PFKP: variants seen among roughly 807,000 people sequenced by gnomAD.
PFKP encodes ATP-dependent 6-phosphofructokinase, platelet type.
Under a neutral mutation model 94.3 loss-of-function variants are expected in PFKP, and 101 were observed. The observed-to-expected ratio is 1.07, with a 90% confidence interval of 0.91 to 1.26. The LOEUF is 1.26. Ranked by LOEUF, PFKP falls within the 50% of genes most tolerant of loss-of-function variation. The pLI is 0.00. For missense variants in PFKP, 1,145 were observed against 1,103.3 expected (o/e 1.04, Z -0.53); for synonymous variants, 573 against 432.6 (o/e 1.32, Z -4.03).
In PFKP at chr10:3,099,365, C is replaced by CTGCG. The variant is rs753766435; in HGVS notation, c.264+15_264+18dup. Reference sequence around the variant, plus strand: ...CATCCTGCAAGTGGTAGGTACTGGGCTGCGTCCACAGGGTTCTCTGAGTTA... The same window carrying CTGCG: ...CATCCTGCAAGTGGTAGGTACTGGGCTGCGTGCGTCCACAGGGTTCTCTGAGTTA... On this transcript the variant is annotated intron_variant, in intron 3 of 21. Coordinates refer to ENST00000381125, the MANE Select transcript of PFKP (RefSeq NM_002627.5). 12 of 1,606,142 alleles carry CTGCG rather than the reference C, an allele frequency of 7.5e-6. No individual in the cohort carries two copies. In the African/African-American group the frequency reaches 1.5e-4, roughly 20 times the overall value.
At position 3,108,807 on chromosome 10, in the gene PFKP, G is replaced by A. The variant is rs953006435; in HGVS notation, c.963+14G>A. 4.5e-6 allele frequency: 7 copies of A among 1,569,468 alleles called. No individual in the cohort carries two copies. Among genetic ancestry groups the A allele is most frequent in the Admixed American group, 3.3e-5 (2 of 59,932 alleles). Reference sequence around the variant, plus strand: ...GACAGGATCTTGGTGAGTTGGGAAGGGTTGGGCATCTTCACAAGGTCTCTA... The same window carrying A: ...GACAGGATCTTGGTGAGTTGGGAAGAGTTGGGCATCTTCACAAGGTCTCTA... On this transcript the variant is annotated intron_variant, in intron 9 of 21. Transcript: ENST00000381125.
At chr10:3,108,660 C>T (rs371753903) in intron 8 of PFKP, 41 bp from the exon 9 acceptor site, 9 of 1,473,318 alleles carry the variant, frequency 6.1e-6, no homozygotes, top group South Asian at 2.3e-5. Flanking sequence ...CTGCTGTGTC[C>T]GCATCACAGT....
chr10:3,132,567 A>T, intron 18 of PFKP, 126 bp downstream of exon 18: 2 of 674,520 alleles, frequency 3.0e-6, no homozygotes, highest in Admixed American at 4.8e-5. Context: ...ACACACACTG[A>T]GCAGGTGCAG....
intron 1 of PFKP, among the ~76,000 whole-genome samples, chr10:3,080,838 G>T (rs2131413793): frequency 6.6e-6 from 1 of 152,334 alleles, no homozygotes; most frequent in South Asian, 2.1e-4. Context: ...GTTGGGAGCA[G>T]GTGTTGGTTG....
At chr10:3,121,763 C>A (rs975847049) in intron 16 of PFKP, among the ~76,000 whole-genome samples, 1 of 136,490 alleles carries the variant, frequency 7.3e-6, no homozygotes, top group African/African-American at 2.7e-5. Flanking sequence ...TTCATTCATT[C>A]GAGTTTCTCG....
chr10:3,134,707 GTGATGTTT>G, intron 20 of PFKP, 125 bp downstream of exon 20: 1 of 631,308 alleles, frequency 1.6e-6, no homozygotes, highest in Non-Finnish European at 2.8e-6. Flanking sequence ...TGAGCTGCAC[GTGATGTTT>G]TACTCCTGAT....
chr10:3,107,402 T>C, intron 8 of PFKP, 93 bp downstream of exon 8: 2 of 733,402 alleles, frequency 2.7e-6, no homozygotes, highest in Middle Eastern at 2.6e-4. Context: ...AACATTGAAT[T>C]ATTAACTTTT....
intron 4 of PFKP, among the ~76,000 whole-genome samples, chr10:3,102,655 C>T (rs980241894): frequency 5.9e-5 from 9 of 152,204 alleles, no homozygotes; most frequent in African/African-American, 2.2e-4. Context: ...TGGTCTCGAA[C>T]TCCTGACCTC....
intron 2 of PFKP, among the ~76,000 whole-genome samples, chr10:3,086,375 G>A (rs563122649): frequency 2.0e-5 from 3 of 152,334 alleles, no homozygotes; most frequent in Middle Eastern, 3.4e-3. Context: ...CACTTTCTCC[G>A]CGTCACCACT....
intron 1 of PFKP, among the ~76,000 whole-genome samples, chr10:3,080,742 A>C (rs552894112): frequency 6.6e-6 from 1 of 152,256 alleles, no homozygotes; most frequent in Non-Finnish European, 1.5e-5. Context: ...TATTTGCATA[A>C]AAGCAAATGA....
intron 2 of PFKP, among the ~76,000 whole-genome samples, chr10:3,087,984 C>CTTTTTTTTTTTTTTTTTTTT (rs1224829610): frequency 2.1e-4 from 20 of 96,602 alleles, no homozygotes; most frequent in Non-Finnish European, 2.6e-4. Context: ...ATCTTTCATT[C>CTTTTTTTTTTTTTTTTTTTT]TTTTTTTTTT....
rs140876102 is a variant in PFKP, at chr10:3,135,243, G to A, written c.2123-493G>A. 2.1e-3 allele frequency among the ~76,000 whole-genome samples: 323 copies of A among 150,858 alleles called. 1 individual carries two copies. The highest frequency in any genetic ancestry group is 7.0e-3 in the African/African-American group (289 of 41,008). ...CATAGCAGATGTGTGCTTTTATTCC[G>A]GCAAACCACTATCACTGCCAGTGTC... On this transcript the variant is annotated intron_variant, in intron 20 of 21. Transcript: ENST00000381125.
chr10:3,086,683 G>A (rs1833631944), intron 2 of PFKP, among the ~76,000 whole-genome samples: 1 of 152,042 alleles, frequency 6.6e-6, no homozygotes, highest in African/African-American at 2.4e-5. Flanking sequence ...TTTGAATGTT[G>A]TTAGCTGGGG....
In PFKP at chr10:3,075,266, T is replaced by G. The variant is rs556858553; in HGVS notation, c.113-7122T>G. On this transcript the variant is annotated intron_variant, in intron 1 of 21. Transcript: ENST00000381125. ...AACGTGTCACAGTGCTGCAGAGATT[T>G]TGTTTATGGCCAGTTTTAGGGTCAG... is the stretch of plus-strand genomic sequence containing the variant. Among the ~76,000 whole-genome samples, 3 of 152,048 alleles carry G rather than the reference T, an allele frequency of 2.0e-5. No individual in the cohort carries two copies. The East Asian group carries it at 5.9e-4, about 30-fold the overall frequency.
In PFKP at chr10:3,134,508, G is replaced by A. The variant is rs1005105870; in HGVS notation, c.2048G>A (p.Arg683Lys). 2 of 1,613,618 alleles carry A rather than the reference G, an allele frequency of 1.2e-6. No homozygotes were observed. Among genetic ancestry groups the A allele is most frequent in the African/African-American group, 1.3e-5 (1 of 74,944 alleles). ...GGTGGGGCACCCTCTCCATTTGATA[G>A]AAACTTTGGAACCAAAATCTCTGCC... Reference protein sequence around the residue: ...QQGGAPSPFDRNFGTKISARA... With the variant: ...QQGGAPSPFDKNFGTKISARA... Residue 683 changes from arginine (R) to lysine (K), a missense_variant, in exon 20 of 22, where the codon AGA (arginine) becomes AAA (lysine). Physicochemically the swap from Arg to Lys is conservative, Grantham distance 26 (BLOSUM62 2). Transcript: ENST00000381125.
rs138450858 is a variant in PFKP at position 3,101,097 on chromosome 10, A to G, written c.265-268A>G. On this transcript the variant is annotated intron_variant, in intron 3 of 21. Transcript: ENST00000381125. The stretch of plus-strand genomic sequence containing the variant: ...GACACCGCAGGCTGGTTCCTGCTCC[A>G]TGTATTTAACTGCTGGCTGCCGTGT... The G allele has an allele frequency of 5.4e-5, 54 of 997,936 alleles. No individual in the cohort carries two copies. The African/African-American group carries it at 7.6e-4, about 14-fold the overall frequency. 61.8% of individuals were successfully genotyped at this position (997,936 alleles called of 1,614,324 possible).
intron 1 of PFKP, among the ~76,000 whole-genome samples, chr10:3,079,662 T>TGGGGGGGGGGGGGGGGGGGG (rs57588432): frequency 1.5e-5 from 1 of 67,764 alleles, no homozygotes; most frequent in Non-Finnish European, 3.5e-5. Flanking sequence ...GAGAGCGGGG[T>TGGGGGGGGGGGGGGGGGGGG]GGGGGGGGGG....
chr10:3,111,932 T>C (rs775741124), intron 10 of PFKP, among the ~76,000 whole-genome samples: 9 of 152,356 alleles, frequency 5.9e-5, no homozygotes, highest in Middle Eastern at 3.4e-3. Flanking sequence ...ATCTTCACAG[T>C]GTTGTGTCCA....
rs76343862 is a variant in PFKP, at chr10:3,081,950, G to A, written c.113-438G>A. Among the ~76,000 whole-genome samples, 349 of 114,290 alleles carry A rather than the reference G, an allele frequency of 3.1e-3. 6 individuals carry two copies. The East Asian group carries it at 0.059, about 19-fold the overall frequency. The allele number at this position is 114,290 out of a possible 152,430, so 75.0% of individuals were successfully genotyped here. On this transcript the variant is annotated intron_variant, in intron 1 of 21. Transcript: ENST00000381125. ...AACTTTACTGATAATAAAATTGCATGACTTGTTTTCTGTTGAAGCCCATTG... is the reference window on the plus strand; with the variant it reads ...AACTTTACTGATAATAAAATTGCATAACTTGTTTTCTGTTGAAGCCCATTG...
Sources: gnomAD v4.1 joint callset for allele counts (sites outside exome capture counted in the v4.1 genomes callset) on GRCh38, gnomAD v4.1.1 for gene constraint, MANE v1.5 for transcripts, NCBI Gene and HGNC (gene_info 2026-07-23, HGNC 2026-07-21) for gene names.